The following NCKAP5 variants were observed in gnomAD, a reference collection of about 807,000 sequenced individuals.
NCKAP5 encodes the protein nck-associated protein 5.
Under a neutral mutation model 167.0 loss-of-function variants are expected in NCKAP5, and 92 were observed. That is an observed-to-expected ratio of 0.55 (90% CI 0.47 to 0.66). The LOEUF (loss-of-function observed/expected upper bound fraction) is 0.66. Among genes scored for constraint, NCKAP5 ranks in the 30% least tolerant of loss-of-function variants. The pLI is 0.00. For synonymous variants in NCKAP5, 891 were observed against 877.4 expected (o/e 1.02, Z -0.27); for missense variants, 2,378 against 2,315.0 (o/e 1.03, Z -0.56).
chr2:133,669,782 G>A, the NCKAP5 span, among the ~76,000 whole-genome samples: 2 of 152,110 alleles, frequency 1.3e-5, no homozygotes, highest in African/African-American at 4.8e-5. Flanking sequence ...ACTACCTTGT[G>A]TATACCTTCT....
chr2:133,232,286 TA>T (rs1309953520), intron 4 of NCKAP5, among the ~76,000 whole-genome samples: 1 of 152,102 alleles, frequency 6.6e-6, no homozygotes, highest in Non-Finnish European at 1.5e-5. Flanking sequence ...ACTCTATCTC[TA>T]AAAATATATA....
chr2:133,194,336 GA>G lies in NCKAP5; in HGVS notation c.207+19379del, dbSNP rs905131453. On this transcript the variant is annotated intron_variant, in intron 5 of 19. Coordinates refer to ENST00000409261, the MANE Select transcript of NCKAP5 (RefSeq NM_207363.3). ...ATCCTATGATTTTTACCCAATGGCT[GA>G]AAAAAAAAATCTTCCACCACACAAA... is the stretch of plus-strand genomic sequence containing the variant. 3.7e-4 allele frequency among the ~76,000 whole-genome samples: 55 copies of G among 148,908 alleles called. 1 individual carries two copies. The East Asian group carries it at 0.01, about 28-fold the overall frequency.
Position 132,731,891 on chromosome 2 carries a change from G to A in NCKAP5, c.5289C>T (p.Ser1763=). ...CACGTTCAAGGGTTTGGGCTCTCAT[G>A]GAAGAAACTGCAGAAAGGGCTGACT... ...PLQSALSAVS[S]MRAQTLEREV... is the part of the protein sequence containing the mutation. Residue 1763 remains serine, a synonymous_variant, in exon 17 of 20, where the codon TCC becomes TCT. Coordinates refer to ENST00000409261, the MANE Select transcript of NCKAP5 (RefSeq NM_207363.3). The A allele has an allele frequency of 6.2e-7, 1 of 1,613,930 alleles. No homozygotes were observed. Among genetic ancestry groups the A allele is most frequent in the Non-Finnish European group, 8.5e-7 (1 of 1,179,880 alleles).
intron 3 of NCKAP5, among the ~76,000 whole-genome samples, chr2:133,474,359 GA>G: frequency 6.6e-6 from 1 of 152,256 alleles, no homozygotes; most frequent in East Asian, 1.9e-4. Context: ...TGACCTCACA[GA>G]AGCAGAGAGT....
At chr2:132,756,164 T>C (rs1680537516) in intron 16 of NCKAP5, among the ~76,000 whole-genome samples, 1 of 152,048 alleles carries the variant, frequency 6.6e-6, no homozygotes, top group African/African-American at 2.4e-5. Flanking sequence ...ATGCAAAACT[T>C]GAGGCAAATA....
chr2:132,736,337 G>C (rs1206866507), intron 16 of NCKAP5, among the ~76,000 whole-genome samples: 1 of 152,190 alleles, frequency 6.6e-6, no homozygotes, highest in Non-Finnish European at 1.5e-5. Flanking sequence ...CGAATTACAA[G>C]TGTTAAGATA....
chr2:132,868,037 T>A (rs2148754261), intron 10 of NCKAP5, among the ~76,000 whole-genome samples: 1 of 152,214 alleles, frequency 6.6e-6, no homozygotes, highest in African/African-American at 2.4e-5. Flanking sequence ...TATTTAAGTA[T>A]CTCCATGAGC....
chr2:132,743,750 TA>T (rs1679406709), intron 16 of NCKAP5, among the ~76,000 whole-genome samples: 1 of 151,570 alleles, frequency 6.6e-6, no homozygotes, highest in South Asian at 2.1e-4. Flanking sequence ...TCAGATTGGA[TA>T]AAATAAAAAT....
chr2:133,053,734 C>T (rs2079691274), intron 6 of NCKAP5, among the ~76,000 whole-genome samples: 1 of 152,150 alleles, frequency 6.6e-6, no homozygotes, highest in Admixed American at 6.6e-5. Flanking sequence ...GCTCCGGTTC[C>T]TGGTGTCTCT....
chr2:133,506,581 G>T (rs1340103618), intron 3 of NCKAP5, among the ~76,000 whole-genome samples: 1 of 152,164 alleles, frequency 6.6e-6, no homozygotes, highest in East Asian at 1.9e-4. Context: ...GGGCCAGCAC[G>T]GTTGGCCATA....
chr2:133,289,568 C>G (rs1968395), intron 4 of NCKAP5, among the ~76,000 whole-genome samples: 89,815 of 151,824 alleles, frequency 0.59, 27,079 homozygotes, highest in East Asian at 0.75. Flanking sequence ...ATGGTGGAAC[C>G]CTGTCTCTAC....
chr2:132,860,466 A>T (rs780912091), intron 11 of NCKAP5, 26 bp downstream of exon 11: 1 of 1,553,252 alleles, frequency 6.4e-7, no homozygotes, highest in East Asian at 2.4e-5. Context: ...TCAGTAGCAA[A>T]GATTGTTTTC....
At chr2:133,284,335 C>A (rs1437646080) in intron 4 of NCKAP5, among the ~76,000 whole-genome samples, 1 of 152,076 alleles carries the variant, frequency 6.6e-6, no homozygotes, top group Non-Finnish European at 1.5e-5. Flanking sequence ...CTTTACCCAA[C>A]AGGAGGTAGA....
chr2:133,504,846 C>T (rs1682858492), intron 3 of NCKAP5, among the ~76,000 whole-genome samples: 1 of 152,116 alleles, frequency 6.6e-6, no homozygotes, highest in Non-Finnish European at 1.5e-5. Flanking sequence ...CCCATTTTGA[C>T]CCCTCTGAGT....
intron 3 of NCKAP5, among the ~76,000 whole-genome samples, chr2:133,496,028 G>A (rs959265987): frequency 6.6e-6 from 1 of 152,158 alleles, no homozygotes; most frequent in Non-Finnish European, 1.5e-5. Context: ...TCAGTCAAAT[G>A]TATCTAATTA....
chr2:133,046,227 A>G (rs758589599), intron 6 of NCKAP5, among the ~76,000 whole-genome samples: 1 of 152,238 alleles, frequency 6.6e-6, no homozygotes, highest in Non-Finnish European at 1.5e-5. Flanking sequence ...TTCATACAAC[A>G]TGCACAGAAA....
intron 8 of NCKAP5, among the ~76,000 whole-genome samples, chr2:132,961,376 A>C (rs1053937823): frequency 1.3e-4 from 20 of 151,846 alleles, no homozygotes; most frequent in African/African-American, 4.6e-4. Context: ...TATTTTACAT[A>C]CTTTATTATA....
At chr2:133,518,002 C>T (rs764020337) in intron 2 of NCKAP5, among the ~76,000 whole-genome samples, 2 of 152,122 alleles carry the variant, frequency 1.3e-5, no homozygotes, top group Non-Finnish European at 2.9e-5. Flanking sequence ...AGTTATTGAG[C>T]TCAAGGCCCA....
chr2:133,586,076 C>G, the NCKAP5 span, among the ~76,000 whole-genome samples: 1 of 152,182 alleles, frequency 6.6e-6, no homozygotes, highest in Admixed American at 6.5e-5. Flanking sequence ...GCGTTTCCTT[C>G]TCAACATCTT....
Sources: allele counts gnomAD v4.1 joint callset (sites outside exome capture counted in the v4.1 genomes callset), GRCh38; gene constraint gnomAD v4.1.1; transcripts MANE v1.5; gene names NCBI Gene and HGNC (gene_info 2026-07-23, HGNC 2026-07-21).